The following PPP1R13B variants were observed in gnomAD, a reference collection of about 807,000 sequenced individuals.
PPP1R13B encodes the protein apoptosis-stimulating of p53 protein 1.
PPP1R13B carries 44 observed loss-of-function variants against 119.8 expected under a neutral mutation model. The ratio of observed to expected loss-of-function variants is 0.37; its 90% CI spans 0.29 to 0.47. The LOEUF (loss-of-function observed/expected upper bound fraction) is 0.47, where lower values mean the gene tolerates loss of function less well. PPP1R13B is among the 20% of genes least tolerant of loss of function. The probability of loss-of-function intolerance (pLI) is 0.99; values close to 1 mark genes in which losing one functional copy is unlikely to be tolerated. For missense variants in PPP1R13B, 1,227 were observed against 1,413.5 expected (o/e 0.87, Z 2.12); for synonymous variants, 542 against 561.5 (o/e 0.97, Z 0.49).
At chr14:103,750,656 C>A (rs961515905) in intron 7 of PPP1R13B, among the ~76,000 whole-genome samples, 1 of 151,958 alleles carries the variant, frequency 6.6e-6, no homozygotes, top group Non-Finnish European at 1.5e-5. Context: ...CATGGTAAAA[C>A]CCTGTCTCTA....
At position 103,737,731 on chromosome 14, in the gene PPP1R13B, C is replaced by T; in HGVS notation, c.2994G>A (p.Met998Ile). 6.2e-7 allele frequency: 1 copy of T among 1,614,240 alleles called. No homozygotes were observed. The highest frequency in any genetic ancestry group is 2.2e-5 in the East Asian group (1 of 44,892). Residue 998 changes from methionine to isoleucine, a missense_variant, in exon 15 of 17, where the codon ATG (methionine) becomes ATA (isoleucine). Met to Ile is a conservative substitution (Grantham distance 10, BLOSUM62 1). Transcript: ENST00000202556. The stretch of plus-strand genomic sequence containing the variant: ...GGGAGCACTGGATGTAGCCTTCCTC[C>T]ATCTCCTCACACTTGTCTGCAGCAG... ...IETAADKCEE[M>I]EEGYIQCSQF...
chr14:103,772,315 GTC>G (rs1177826771), intron 4 of PPP1R13B, among the ~76,000 whole-genome samples: 4 of 152,232 alleles, frequency 2.6e-5, no homozygotes, highest in Non-Finnish European at 5.9e-5. Flanking sequence ...CCATGTACAA[GTC>G]TGCACAGACA....
At chr14:103,775,183 C>T (rs2085157911) in intron 4 of PPP1R13B, among the ~76,000 whole-genome samples, 1 of 152,126 alleles carries the variant, frequency 6.6e-6, no homozygotes. Flanking sequence ...ACTTCTTCAA[C>T]ACACGGCCTA....
chr14:103,734,262 C>G lies in PPP1R13B; in HGVS notation c.*892G>C, dbSNP rs957509993. The G allele has an allele frequency of 3.3e-6, 1 of 304,308 alleles. No homozygotes were observed. Among genetic ancestry groups the G allele is most frequent in the Admixed American group, 3.9e-5 (1 of 25,368 alleles). The allele number at this position is 304,308 out of a possible 1,614,324, so 18.9% of individuals were successfully genotyped here. On this transcript the variant is annotated 3_prime_UTR_variant, in exon 17 of 17. Transcript: ENST00000202556. ...CTCCTGACACCAGGCGTCTGCCATC[C>G]TTCAGGCACCAAACAGCCCCGTCTA...
intron 1 of PPP1R13B, among the ~76,000 whole-genome samples, chr14:103,834,731 C>G (rs2086736806): frequency 6.6e-6 from 1 of 151,848 alleles, no homozygotes; most frequent in African/African-American, 2.4e-5. Flanking sequence ...ACTGGGATTA[C>G]AGGTACCCAC....
Position 103,819,670 on chromosome 14 carries a change from A to T in PPP1R13B, c.10-22152T>A, listed in dbSNP as rs528890328. 6.6e-5 allele frequency among the ~76,000 whole-genome samples: 10 copies of T among 152,170 alleles called. No individual in the cohort carries two copies. The South Asian group carries it at 1.7e-3, about 25-fold the overall frequency. On this transcript the variant is annotated intron_variant, in intron 1 of 16. Coordinates refer to ENST00000202556, the MANE Select transcript of PPP1R13B (RefSeq NM_015316.3). Reference sequence around the variant, plus strand: ...CTGACAAGATTTGCTGATGGAGTGGATGTGGACTGTGAGAAAGAGGTCATG... The same window carrying T: ...CTGACAAGATTTGCTGATGGAGTGGTTGTGGACTGTGAGAAAGAGGTCATG...
intron 3 of PPP1R13B, among the ~76,000 whole-genome samples, chr14:103,783,010 T>C (rs1187773348): frequency 6.6e-6 from 1 of 152,080 alleles, no homozygotes; most frequent in Non-Finnish European, 1.5e-5. Flanking sequence ...TTCACCATGT[T>C]GGCCAGGCTG....
At chr14:103,810,555 T>C (rs1025722131) in intron 1 of PPP1R13B, among the ~76,000 whole-genome samples, 5 of 149,932 alleles carry the variant, frequency 3.3e-5, no homozygotes, top group African/African-American at 7.4e-5. Flanking sequence ...AGGCGGATCA[T>C]GAGGTCAGGA....
In PPP1R13B at chr14:103,740,231, G is replaced by A. The variant is rs775744220; in HGVS notation, c.2185C>T (p.Arg729Cys). The A allele has an allele frequency of 5.0e-6, 8 of 1,612,378 alleles. No individual in the cohort carries two copies. The East Asian group carries it at 8.9e-5, about 18-fold the overall frequency. The change falls in exon 12 of 17, where the codon CGC becomes TGC. Residue 729 changes from arginine to cysteine, a missense_variant. Arg to Cys is a radical substitution (Grantham distance 180). Transcript: ENST00000202556. This position sits in a 1 kb window ranked among gnomAD's most constrained non-coding sequence, Gnocchi z 4.6. ...GPNIQKLLYQ[R>C]FNTLAGGMEG... ...ATGCCACCGGCCAGGGTGTTGAAGCGCTGGTACAGCAGCTTCTGGATGTTG... is the reference window on the plus strand; with the variant it reads ...ATGCCACCGGCCAGGGTGTTGAAGCACTGGTACAGCAGCTTCTGGATGTTG...
chr14:103,764,871 C>T (rs1384388834), intron 4 of PPP1R13B, among the ~76,000 whole-genome samples: 1 of 152,102 alleles, frequency 6.6e-6, no homozygotes, highest in South Asian at 2.1e-4. Context: ...CCAGGCTGGA[C>T]TGCAGTGGCG....
At chr14:103,796,275 ACT>A (rs940736904) in intron 2 of PPP1R13B, among the ~76,000 whole-genome samples, 4 of 151,952 alleles carry the variant, frequency 2.6e-5, no homozygotes, top group African/African-American at 9.6e-5. Context: ...AGAGAAAGAC[ACT>A]GTCTCAAAAA....
chr14:103,776,728 C>T (rs578116745), intron 4 of PPP1R13B, among the ~76,000 whole-genome samples: 19 of 151,900 alleles, frequency 1.3e-4, no homozygotes, highest in African/African-American at 3.9e-4. Flanking sequence ...AAAAATTAGC[C>T]GGGCGTGGCG....
intron 1 of PPP1R13B, among the ~76,000 whole-genome samples, chr14:103,807,539 G>A (rs1358058852): frequency 6.6e-6 from 1 of 152,122 alleles, no homozygotes; most frequent in East Asian, 1.9e-4. Flanking sequence ...CTGTTGCCCA[G>A]GCTGGACTGC....
rs536431470 is a variant in PPP1R13B, at chr14:103,817,418, T to TA, written c.10-19901dup. Among the ~76,000 whole-genome samples the TA allele has an allele frequency of 3.1e-3, 457 of 148,460 alleles. 2 individuals carry two copies. Among genetic ancestry groups the TA allele is most frequent in the Non-Finnish European group, 4.6e-3 (310 of 66,854 alleles). ...AATCTCCATATAAAACTTGTTATAT[T>TA]AAAAAAAAAAGACTTGTCTAAGCTT... On this transcript the variant is annotated intron_variant, in intron 1 of 16. Transcript: ENST00000202556.
chr14:103,841,740 G>A lies in PPP1R13B; in HGVS notation c.9+5559C>T, dbSNP rs908187523. Among the ~76,000 whole-genome samples the A allele has an allele frequency of 3.9e-5, 6 of 152,142 alleles. 1 individual carries two copies. Among genetic ancestry groups the A allele is most frequent in the Non-Finnish European group, 8.8e-5 (6 of 68,026 alleles). On this transcript the variant is annotated intron_variant, in intron 1 of 16. Coordinates refer to ENST00000202556, the MANE Select transcript of PPP1R13B (RefSeq NM_015316.3). The stretch of plus-strand genomic sequence containing the variant: ...AACATTTACTGAGCTCTTACTATCT[G>A]CTCTGTCATAAAAGATGCTTCGGAA...
intron 1 of PPP1R13B, among the ~76,000 whole-genome samples, chr14:103,845,319 G>C (rs1025751901): frequency 3.9e-5 from 6 of 152,158 alleles, no homozygotes; most frequent in Non-Finnish European, 5.9e-5. Flanking sequence ...TGTGTTAATA[G>C]AGGAAGGACT....
intron 4 of PPP1R13B, among the ~76,000 whole-genome samples, chr14:103,769,376 C>G (rs1375935489): frequency 2.0e-5 from 3 of 152,064 alleles, no homozygotes; most frequent in Non-Finnish European, 2.9e-5. Flanking sequence ...CAGGTGTGGG[C>G]CACTGTGCTT....
intron 1 of PPP1R13B, among the ~76,000 whole-genome samples, chr14:103,844,208 C>A (rs1254715237): frequency 6.6e-6 from 1 of 151,092 alleles, no homozygotes; most frequent in Non-Finnish European, 1.5e-5. Context: ...CGGAGGTCGC[C>A]GTAAGCTGAG....
At chr14:103,827,761 C>G (rs182682299) in intron 1 of PPP1R13B, among the ~76,000 whole-genome samples, 2 of 151,628 alleles carry the variant, frequency 1.3e-5, no homozygotes, top group Non-Finnish European at 1.5e-5. Context: ...AAAAAGCTAA[C>G]AAAACACTGA....
Sources: allele counts gnomAD v4.1 joint callset (sites outside exome capture counted in the v4.1 genomes callset), GRCh38; gene constraint gnomAD v4.1.1; non-coding constraint Gnocchi (gnomAD v3.1); transcripts MANE v1.5; gene names NCBI Gene and HGNC (gene_info 2026-07-23, HGNC 2026-07-21).